Variants in NCAM1 observed in about 807,000 individuals in gnomAD.
NCAM1 encodes antigen recognized by monoclonal antibody 5.1H11.
A neutral mutation model predicts 109.8 loss-of-function variants in NCAM1; 14 were observed. That is an observed-to-expected ratio of 0.13 (90% confidence interval 0.08 to 0.20). The LOEUF is 0.20. NCAM1 is among the 10% of genes least tolerant of loss of function. The probability of loss-of-function intolerance (pLI) is 1.00; values close to 1 mark genes in which losing one functional copy is unlikely to be tolerated. For synonymous variants in NCAM1, 418 were observed against 442.9 expected (o/e 0.94, Z 0.70); for missense variants, 774 against 1,109.9 (o/e 0.70, Z 4.30).
At chr11:113,272,801 G>A in intron 19 of NCAM1, 1 of 405,692 alleles carries the variant, frequency 2.5e-6, no homozygotes, top group South Asian at 1.8e-5. Context: ...CTGTGGGCCT[G>A]TGTCCGTGCC....
Position 113,275,513 on chromosome 11 carries a change from T to A in NCAM1, c.*126T>A. On this transcript the variant is annotated 3_prime_UTR_variant, in exon 20 of 20. Coordinates refer to ENST00000316851, the MANE Select transcript of NCAM1 (RefSeq NM_181351.5). ...AAACACACATGCACACACACACATC[T>A]CATTTCTCTAGTGTCTTTTGCCTTT... is the stretch of plus-strand genomic sequence containing the variant. 2.5e-6 allele frequency: 3 copies of A among 1,176,682 alleles called. No individual in the cohort carries two copies. Among genetic ancestry groups the A allele is most frequent in the Non-Finnish European group, 2.3e-6 (2 of 854,984 alleles). 72.9% of individuals were successfully genotyped at this position (1,176,682 alleles called of 1,614,324 possible).
intron 1 of NCAM1, among the ~76,000 whole-genome samples, chr11:113,144,475 A>G (rs1941941281): frequency 6.6e-6 from 1 of 152,236 alleles, no homozygotes; most frequent in Non-Finnish European, 1.5e-5. Context: ...CATGTAGAAT[A>G]AGAGAAATTT....
chr11:113,011,939 C>T (rs565546735), intron 1 of NCAM1, among the ~76,000 whole-genome samples: 2 of 151,110 alleles, frequency 1.3e-5, no homozygotes, highest in African/African-American at 4.9e-5. Context: ...CTTTCCTTCT[C>T]TCCTTCTCTC....
At chr11:113,054,379 C>G (rs1228287718) in intron 1 of NCAM1, among the ~76,000 whole-genome samples, 3 of 152,124 alleles carry the variant, frequency 2.0e-5, no homozygotes, top group Non-Finnish European at 2.9e-5. Context: ...AAAGTCCCAC[C>G]CTCAGCATTT....
At chr11:113,235,369 G>A in intron 14 of NCAM1, 1 of 1,136,566 alleles carries the variant, frequency 8.8e-7, no homozygotes, top group Non-Finnish European at 1.3e-6. Context: ...TTCTCCAAGG[G>A]GTTGGGGACA....
chr11:113,177,960 A>G (rs73570752), intron 1 of NCAM1, among the ~76,000 whole-genome samples: 13,116 of 152,162 alleles, frequency 0.086, 1,779 homozygotes, highest in African/African-American at 0.29. Flanking sequence ...GGGATTCACT[A>G]GAGGAGAGTG....
At chr11:113,263,739 G>A in intron 17 of NCAM1, 1 of 985,520 alleles carries the variant, frequency 1.0e-6, no homozygotes, top group African/African-American at 1.7e-5. Flanking sequence ...TGGTTCAGCA[G>A]TGACCCACAG....
chr11:113,009,742 A>G (rs150523794), intron 1 of NCAM1, among the ~76,000 whole-genome samples: 227 of 152,326 alleles, frequency 1.5e-3, no homozygotes, highest in African/African-American at 4.9e-3. Context: ...TCAGGGTCTT[A>G]CAGATGTTTT....
At chr11:112,997,918 G>A (rs781930981) in intron 1 of NCAM1, among the ~76,000 whole-genome samples, 1 of 152,136 alleles carries the variant, frequency 6.6e-6, no homozygotes, top group Non-Finnish European at 1.5e-5. Flanking sequence ...TTCCCACGAA[G>A]ACACTTTTGC....
chr11:113,176,766 G>A (rs903167444), intron 1 of NCAM1, among the ~76,000 whole-genome samples: 80 of 151,940 alleles, frequency 5.3e-4, no homozygotes, highest in Admixed American at 4.1e-3. Context: ...TATGGCTATG[G>A]GATGGAGCCA....
At chr11:113,271,263 A>C (rs1011556186) in intron 18 of NCAM1, among the ~76,000 whole-genome samples, 15 of 150,084 alleles carry the variant, frequency 1.0e-4, no homozygotes, top group African/African-American at 3.7e-4. Flanking sequence ...CCAGCTATTC[A>C]GGAGGCTGAG....
Position 113,253,296 on chromosome 11 carries a change from A to G in NCAM1, c.1829-2581A>G, listed in dbSNP as rs145117467. Among the ~76,000 whole-genome samples, 166 of 152,284 alleles carry G rather than the reference A, an allele frequency of 1.1e-3. 1 individual carries two copies. The highest frequency in any genetic ancestry group is 3.9e-3 in the African/African-American group (161 of 41,556). On this transcript the variant is annotated intron_variant, in intron 15 of 19. Coordinates refer to ENST00000316851, the MANE Select transcript of NCAM1 (RefSeq NM_181351.5). Reference sequence around the variant, plus strand: ...CAACATTTTAAAGCAAAAAGTTGACAACTTTCTGCCTTAGAGATGTGAAAT... The same window carrying G: ...CAACATTTTAAAGCAAAAAGTTGACGACTTTCTGCCTTAGAGATGTGAAAT...
intron 1 of NCAM1, among the ~76,000 whole-genome samples, chr11:113,112,769 A>G (rs1555093979): frequency 6.6e-6 from 1 of 151,946 alleles, no homozygotes; most frequent in Admixed American, 6.6e-5. Flanking sequence ...TTAAGTACAT[A>G]TTAGTTTCAT....
chr11:113,139,620 GC>G (rs1323440349), intron 1 of NCAM1, among the ~76,000 whole-genome samples: 1 of 151,832 alleles, frequency 6.6e-6, no homozygotes, highest in Non-Finnish European at 1.5e-5. Flanking sequence ...TTAAACCTTA[GC>G]TAAAGTATTT....
At chr11:113,043,181 G>C (rs2135438898) in intron 1 of NCAM1, among the ~76,000 whole-genome samples, 1 of 151,978 alleles carries the variant, frequency 6.6e-6, no homozygotes, top group East Asian at 1.9e-4. Flanking sequence ...GAGGGGGGCT[G>C]TATCAGGTTT....
chr11:113,057,312 A>G lies in NCAM1; in HGVS notation c.52+95648A>G, dbSNP rs190710405. On this transcript the variant is annotated intron_variant, in intron 1 of 19. Coordinates refer to ENST00000316851, the MANE Select transcript of NCAM1 (RefSeq NM_181351.5). ...TGGCAAAGGCATTGAGGTTCTGGGA[A>G]CTGCCAGCAATGAAGTGAGATAGTG... Among the ~76,000 whole-genome samples, 653 of 152,116 alleles carry G rather than the reference A, an allele frequency of 4.3e-3. 5 individuals are homozygous for G. The highest frequency in any genetic ancestry group is 0.015 in the African/African-American group (625 of 41,504).
intron 1 of NCAM1, among the ~76,000 whole-genome samples, chr11:113,163,418 A>G (rs1454518723): frequency 6.6e-6 from 1 of 152,184 alleles, no homozygotes; most frequent in Non-Finnish European, 1.5e-5. Flanking sequence ...ATAGGATGTC[A>G]CAGTTTTGAC....
At chr11:113,119,667 G>T (rs1025460041) in intron 1 of NCAM1, among the ~76,000 whole-genome samples, 1 of 152,124 alleles carries the variant, frequency 6.6e-6, no homozygotes, top group Admixed American at 6.5e-5. Context: ...GGAGTTGTCT[G>T]GTTGGCATTT....
At chr11:113,000,817 CATATATATATATATATATAT>C (rs375984527) in intron 1 of NCAM1, among the ~76,000 whole-genome samples, 1 of 129,458 alleles carries the variant, frequency 7.7e-6, no homozygotes, top group Non-Finnish European at 1.6e-5. Context: ...ATTATATATA[CATATATATATATATATATAT>C]ATATATATAT....
Sources: gnomAD v4.1 joint callset for allele counts (sites outside exome capture counted in the v4.1 genomes callset) on GRCh38, gnomAD v4.1.1 for gene constraint, MANE v1.5 for transcripts, NCBI Gene and HGNC (gene_info 2026-07-23, HGNC 2026-07-21) for gene names.